The following PARP4 variants were observed in gnomAD, a reference collection of about 807,000 sequenced individuals.
The protein encoded by PARP4 is poly(ADP-ribose) polymerase family member 4.
In PARP4, 120 loss-of-function variants were observed where a neutral mutation model predicts 187.7. The ratio of observed to expected loss-of-function variants is 0.64; its 90% CI spans 0.55 to 0.74. The LOEUF is 0.74. PARP4 is among the 30% of genes least tolerant of loss of function. The pLI, the probability that PARP4 is intolerant of heterozygous loss-of-function variation, is 0.00. For missense variants in PARP4, 1,836 were observed against 2,070.5 expected (o/e 0.89, Z 2.20); for synonymous variants, 654 against 740.9 (o/e 0.88, Z 1.90).
intron 33 of PARP4, among the ~76,000 whole-genome samples, chr13:24,425,424 A>G (rs1198337168): frequency 1.3e-5 from 2 of 152,164 alleles, no homozygotes; most frequent in African/African-American, 4.8e-5. Context: ...TGTCCCCTCT[A>G]TCAAATCCCC....
intron 1 of PARP4, among the ~76,000 whole-genome samples, chr13:24,505,354 T>A (rs1401709261): frequency 6.6e-6 from 1 of 151,976 alleles, no homozygotes; most frequent in African/African-American, 2.4e-5. Flanking sequence ...CCCTGCAAGA[T>A]ATCGATAAGA....
At position 24,446,791 on chromosome 13, in the gene PARP4, T is replaced by C. The variant is rs377107275; in HGVS notation, c.3286-30A>G. 3 of 1,438,948 alleles carry C rather than the reference T, an allele frequency of 2.1e-6. No individual in the cohort carries two copies. In the African/African-American group the frequency reaches 4.1e-5, roughly 20 times the overall value. 89.1% of individuals were successfully genotyped at this position (1,438,948 alleles called of 1,614,324 possible). A position where few individuals can be genotyped will look rare whatever the true frequency, so the allele number is the denominator to read the frequency against. ...AATGGGGAAAAAAATAAATTCCTCA[T>C]TAGCCTTTCCACTCTGCAGTGTCTT... On this transcript the variant is annotated intron_variant, in intron 26 of 33. Coordinates refer to ENST00000381989, the MANE Select transcript of PARP4 (RefSeq NM_006437.4).
intron 12 of PARP4, among the ~76,000 whole-genome samples, chr13:24,480,627 A>G (rs746825413): frequency 3.3e-5 from 5 of 152,230 alleles, no homozygotes; most frequent in African/African-American, 7.2e-5. Flanking sequence ...AGAAAATGTT[A>G]ATGGTCTGGA....
At chr13:24,459,229 A>G (rs1872055555) in intron 19 of PARP4, 35 bp downstream of exon 19, 2 of 1,588,198 alleles carry the variant, frequency 1.3e-6, no homozygotes, top group Non-Finnish European at 1.7e-6. Context: ...ACCAATATCC[A>G]TTGAATTGAC....
At chr13:24,474,078 G>A (rs982492191) in intron 15 of PARP4, among the ~76,000 whole-genome samples, 1 of 152,078 alleles carries the variant, frequency 6.6e-6, no homozygotes, top group African/African-American at 2.4e-5. Flanking sequence ...AACTCCTGAT[G>A]GCCCCCAACC....
chr13:24,477,981 T>A, intron 13 of PARP4, 112 bp downstream of exon 13: 1 of 1,060,100 alleles, frequency 9.4e-7, no homozygotes, highest in Non-Finnish European at 1.4e-6. Context: ...ATGCAGTAAA[T>A]ATATAACAAT....
At chr13:24,473,675 T>C (rs1291400263) in intron 15 of PARP4, among the ~76,000 whole-genome samples, 2 of 152,160 alleles carry the variant, frequency 1.3e-5, no homozygotes, top group Non-Finnish European at 2.9e-5. Flanking sequence ...TTCTCTCCTC[T>C]GTCTCCCAGT....
chr13:24,462,144 C>A (rs1455779789), intron 17 of PARP4, among the ~76,000 whole-genome samples: 1 of 152,170 alleles, frequency 6.6e-6, no homozygotes, highest in Non-Finnish European at 1.5e-5. Context: ...TGCCCCTGCC[C>A]CACCAGGAGC....
chr13:24,450,907 G>T (rs1871482875), intron 24 of PARP4, among the ~76,000 whole-genome samples: 1 of 152,002 alleles, frequency 6.6e-6, no homozygotes, highest in South Asian at 2.1e-4. Flanking sequence ...ATGGGGTCTT[G>T]CTCAGTCACT....
chr13:24,435,840 T>C (rs1870607750), intron 30 of PARP4, among the ~76,000 whole-genome samples: 1 of 149,684 alleles, frequency 6.7e-6, no homozygotes, highest in African/African-American at 2.5e-5. Context: ...TGCTTGAGCC[T>C]GAGAGGCTGA....
At chr13:24,489,377 A>T (rs1429117095) in intron 10 of PARP4, among the ~76,000 whole-genome samples, 25 of 152,136 alleles carry the variant, frequency 1.6e-4, no homozygotes. Context: ...TGGGAGGCCG[A>T]GGCTGGCAGA....
intron 30 of PARP4, among the ~76,000 whole-genome samples, 157 bp from the exon 31 acceptor site, chr13:24,435,631 C>A (rs7999554): frequency 0.34 from 52,093 of 152,086 alleles, 9,052 homozygotes; most frequent in Middle Eastern, 0.39. Flanking sequence ...GAAAATAACA[C>A]CAGTGCTGCG....
At chr13:24,440,190 G>C (rs1215883965) in intron 30 of PARP4, among the ~76,000 whole-genome samples, 1 of 151,974 alleles carries the variant, frequency 6.6e-6, no homozygotes, top group Non-Finnish European at 1.5e-5. Flanking sequence ...GGTGAATCAG[G>C]AGTTCGAGAC....
chr13:24,483,107 A>T (rs1873363637), intron 12 of PARP4, among the ~76,000 whole-genome samples: 1 of 151,508 alleles, frequency 6.6e-6, no homozygotes, highest in Non-Finnish European at 1.5e-5. Context: ...GTGGCCTTGG[A>T]CTGCTGGGCT....
At chr13:24,480,375 C>G (rs12864450) in intron 12 of PARP4, among the ~76,000 whole-genome samples, 1 of 152,006 alleles carries the variant, frequency 6.6e-6, no homozygotes, top group African/African-American at 2.4e-5. Context: ...AACCCTACAG[C>G]GGCCTCTAAG....
intron 33 of PARP4, among the ~76,000 whole-genome samples, chr13:24,423,050 T>C (rs1280090961): frequency 6.6e-6 from 1 of 152,214 alleles, no homozygotes; most frequent in Admixed American, 6.5e-5. Context: ...CAAAAGCAGG[T>C]TCAAAGTTTA....
chr13:24,490,066 G>A (rs1205440806), intron 10 of PARP4, among the ~76,000 whole-genome samples: 6 of 152,200 alleles, frequency 3.9e-5, no homozygotes, highest in African/African-American at 1.4e-4. Context: ...TCCCATGCTT[G>A]AGAACAAGCA....
intron 1 of PARP4, among the ~76,000 whole-genome samples, chr13:24,510,553 CAAAAAA>C (rs61708412): frequency 2.2e-5 from 2 of 89,270 alleles, no homozygotes; most frequent in African/African-American, 4.8e-5. Context: ...GACTCCGTCT[CAAAAAA>C]AAAAAAAAAA....
At chr13:24,502,743 G>A (rs1307347379) in intron 2 of PARP4, among the ~76,000 whole-genome samples, 2 of 152,240 alleles carry the variant, frequency 1.3e-5, no homozygotes, top group Non-Finnish European at 2.9e-5. Context: ...AGGGAGAGCA[G>A]GCACGAATTA....
Sources: gnomAD v4.1 joint callset for allele counts (sites outside exome capture counted in the v4.1 genomes callset) on GRCh38, gnomAD v4.1.1 for gene constraint, MANE v1.5 for transcripts, NCBI Gene and HGNC (gene_info 2026-07-23, HGNC 2026-07-21) for gene names.